EXT1: variants seen among roughly 807,000 people sequenced by gnomAD.
EXT1 encodes the protein exostosin glycosyltransferase 1, also known as exostosin-1.
EXT1 carries 20 observed loss-of-function variants against 82.5 expected under a neutral mutation model. The observed-to-expected ratio is 0.24, with a 90% CI of 0.17 to 0.35. EXT1 has a LOEUF of 0.35. Ranked by LOEUF, EXT1 falls within the 10% of genes least tolerant of loss-of-function variation. The pLI is 1.00. For synonymous variants in EXT1, 348 were observed against 350.8 expected, an observed-to-expected ratio of 0.99 and a Z score of 0.09; for missense variants, 757 against 936.5, an observed-to-expected ratio of 0.81 and a Z score of 2.50.
At chr8:117,859,094 G>A (rs1477645817) in intron 1 of EXT1, among the ~76,000 whole-genome samples, 1 of 152,064 alleles carries the variant, frequency 6.6e-6, no homozygotes, top group Non-Finnish European at 1.5e-5. Flanking sequence ...TTTTAGACAT[G>A]TTATTGCATA....
rs1296493274 is a variant in EXT1 at position 117,796,616 on chromosome 8, T to A, written c.*3096A>T. The A allele has an allele frequency of 6.6e-6, 1 of 152,172 alleles. No homozygotes were observed. The highest frequency in any genetic ancestry group is 2.4e-5 in the African/African-American group (1 of 41,458). The allele number at this position is 152,172 out of a possible 1,614,324, so 9.4% of individuals were successfully genotyped here. A position where few individuals can be genotyped will look rare whatever the true frequency, so the allele number is the denominator to read the frequency against. ...GAGCACCATTTGTCACAAGAAGAAA[T>A]TAAACTGTAATGCACATAAGATTCC... On this transcript the variant is annotated 3_prime_UTR_variant, in exon 11 of 11. Coordinates refer to ENST00000378204, the MANE Select transcript of EXT1 (RefSeq NM_000127.3).
intron 1 of EXT1, among the ~76,000 whole-genome samples, chr8:117,945,155 C>A (rs1814363109): frequency 6.6e-6 from 1 of 152,206 alleles, no homozygotes; most frequent in East Asian, 1.9e-4. Flanking sequence ...GAGCGAGACT[C>A]CGTCTCAAGA....
chr8:117,897,658 G>A lies in EXT1; in HGVS notation c.963-60457C>T, dbSNP rs920022254. Among the ~76,000 whole-genome samples the A allele has an allele frequency of 4.8e-5, 6 of 125,076 alleles. No individual in the cohort carries two copies. The East Asian group carries it at 8.3e-4, about 17-fold the overall frequency. 82.1% of individuals were successfully genotyped at this position (125,076 alleles called of 152,430 possible). On this transcript the variant is annotated intron_variant, in intron 1 of 10. Coordinates refer to ENST00000378204, the MANE Select transcript of EXT1 (RefSeq NM_000127.3). ...CGACCAGGCTGGAGTCCAACGGCCC[G>A]ATCTCGGTTCACTTCAACCTCTGCC...
intron 1 of EXT1, among the ~76,000 whole-genome samples, chr8:117,952,111 C>T (rs1029658229): frequency 6.6e-6 from 1 of 152,146 alleles, no homozygotes; most frequent in African/African-American, 2.4e-5. Context: ...AAAAACACAG[C>T]TCCTAGTGGC....
chr8:118,094,805 C>T (rs968862090), intron 1 of EXT1, among the ~76,000 whole-genome samples: 13 of 152,184 alleles, frequency 8.5e-5, no homozygotes, highest in African/African-American at 2.9e-4. Flanking sequence ...TGTTCCATTT[C>T]GGATTCGGTC....
chr8:117,812,744 G>A (rs778463773), intron 8 of EXT1, 128 bp downstream of exon 8: 6 of 847,882 alleles, frequency 7.1e-6, no homozygotes, highest in African/African-American at 1.7e-5. Context: ...TAAAACCAGC[G>A]CTGTAGGAAG....
intron 1 of EXT1, among the ~76,000 whole-genome samples, chr8:118,035,671 A>G (rs1350059341): frequency 2.0e-5 from 3 of 152,156 alleles, no homozygotes; most frequent in Non-Finnish European, 2.9e-5. Context: ...TCCCAGTGGC[A>G]CCTTTAAAAA....
At chr8:118,080,978 G>A (rs545834770) in intron 1 of EXT1, among the ~76,000 whole-genome samples, 1 of 152,112 alleles carries the variant, frequency 6.6e-6, no homozygotes, top group Admixed American at 6.5e-5. Flanking sequence ...GGGGAGGGTG[G>A]AGTCCTAAAA....
chr8:117,984,207 T>C (rs969145365), intron 1 of EXT1, among the ~76,000 whole-genome samples: 6 of 152,028 alleles, frequency 3.9e-5, no homozygotes, highest in African/African-American at 1.2e-4. Flanking sequence ...TGACCTGAGG[T>C]CAGAAGCTCC....
At chr8:117,849,574 G>A (rs774246000) in intron 1 of EXT1, among the ~76,000 whole-genome samples, 2 of 152,134 alleles carry the variant, frequency 1.3e-5, no homozygotes, top group Non-Finnish European at 2.9e-5. Flanking sequence ...TGTTTTATAC[G>A]ACGCTAGCTT....
chr8:118,043,108 T>C (rs574546094), intron 1 of EXT1, among the ~76,000 whole-genome samples: 1 of 152,206 alleles, frequency 6.6e-6, no homozygotes, highest in Non-Finnish European at 1.5e-5. Context: ...CAGATCAGCC[T>C]GCCCACCCAC....
chr8:117,972,454 T>G (rs773108117), intron 1 of EXT1, among the ~76,000 whole-genome samples: 79 of 152,002 alleles, frequency 5.2e-4, no homozygotes, highest in Non-Finnish European at 1.5e-4. Context: ...GAAACCACTC[T>G]TGCTCAAATG....
At chr8:117,884,350 A>G (rs531555458) in intron 1 of EXT1, among the ~76,000 whole-genome samples, 13 of 152,328 alleles carry the variant, frequency 8.5e-5, no homozygotes, top group African/African-American at 2.9e-4. Flanking sequence ...TGCTTGGGAA[A>G]GAGTAGAAAT....
chr8:117,846,065 G>A (rs1209324546), intron 1 of EXT1, among the ~76,000 whole-genome samples: 6 of 152,174 alleles, frequency 3.9e-5, no homozygotes, highest in Non-Finnish European at 8.8e-5. Context: ...TTAATCTCAG[G>A]AAGCTTTCTG....
intron 7 of EXT1, among the ~76,000 whole-genome samples, chr8:117,818,051 A>G (rs1055135814): frequency 1.3e-5 from 2 of 152,230 alleles, no homozygotes; most frequent in East Asian, 1.9e-4. Context: ...CAAGCAAACC[A>G]TCACCACCAC....
intron 1 of EXT1, among the ~76,000 whole-genome samples, chr8:117,928,062 G>A (rs1813984393): frequency 6.6e-6 from 1 of 152,238 alleles, no homozygotes; most frequent in South Asian, 2.1e-4. Context: ...CAGGCCTGCT[G>A]TGAATGATAC....
intron 1 of EXT1, among the ~76,000 whole-genome samples, chr8:117,948,320 CA>C (rs34394392): frequency 0.026 from 1,324 of 51,854 alleles, 6 homozygotes; most frequent in African/African-American, 0.07. Flanking sequence ...CTGCCCTTGC[CA>C]AAAAAAAAAA....
chr8:118,073,632 A>AGAGAAGAGAAGAGAAGAGAAG (rs201535579), intron 1 of EXT1, among the ~76,000 whole-genome samples: 3 of 89,478 alleles, frequency 3.4e-5, no homozygotes, highest in Non-Finnish European at 6.5e-5. Context: ...AGAGAAGAGA[A>AGAGAAGAGAAGAGAAGAGAAG]AGAAGAGAAG....
At chr8:117,883,613 A>T (rs1813098360) in intron 1 of EXT1, among the ~76,000 whole-genome samples, 1 of 152,184 alleles carries the variant, frequency 6.6e-6, no homozygotes, top group African/African-American at 2.4e-5. Flanking sequence ...GCTTTCTAAG[A>T]TCCCTCAATA....
Sources: gnomAD v4.1 joint callset for allele counts (sites outside exome capture counted in the v4.1 genomes callset) on GRCh38, gnomAD v4.1.1 for gene constraint, MANE v1.5 for transcripts, NCBI Gene and HGNC (gene_info 2026-07-23, HGNC 2026-07-21) for gene names.